The following PDGFC variants were observed in gnomAD, a reference collection of about 807,000 sequenced individuals.
PDGFC encodes the protein platelet-derived growth factor C.
PDGFC carries 12 observed loss-of-function variants against 35.5 expected under a neutral mutation model. The ratio of observed to expected loss-of-function variants is 0.34; its 90% CI spans 0.22 to 0.55. The LOEUF (loss-of-function observed/expected upper bound fraction) is 0.55. Among genes scored for constraint, PDGFC ranks in the 20% least tolerant of loss-of-function variants. The pLI, the probability that PDGFC is intolerant of heterozygous loss-of-function variation, is 0.91. For synonymous variants in PDGFC, 159 were observed against 148.8 expected (o/e 1.07, Z -0.50); for missense variants, 322 against 412.4 (o/e 0.78, Z 1.90).
At chr4:156,872,425 A>G (rs1245766308) in intron 1 of PDGFC, among the ~76,000 whole-genome samples, 2 of 152,302 alleles carry the variant, frequency 1.3e-5, no homozygotes, top group Admixed American at 6.5e-5. Context: ...ATGCACTCCA[A>G]TTGGAACACA....
chr4:156,854,188 A>G (rs1425679245), intron 1 of PDGFC, among the ~76,000 whole-genome samples: 2 of 152,042 alleles, frequency 1.3e-5, no homozygotes, highest in African/African-American at 2.4e-5. Flanking sequence ...TTCCCATCAG[A>G]TTTATTAAAA....
chr4:156,874,182 T>C (rs1006079176), intron 1 of PDGFC, among the ~76,000 whole-genome samples: 1 of 152,214 alleles, frequency 6.6e-6, no homozygotes, highest in Non-Finnish European at 1.5e-5. Context: ...CATTAACTTA[T>C]GGGATGTTCA....
intron 1 of PDGFC, among the ~76,000 whole-genome samples, chr4:156,896,408 A>G (rs1212702882): frequency 6.6e-6 from 1 of 152,086 alleles, no homozygotes; most frequent in African/African-American, 2.4e-5. Flanking sequence ...ACAGCTGAAA[A>G]ACCTAGGAAT....
intron 2 of PDGFC, among the ~76,000 whole-genome samples, chr4:156,816,681 G>C (rs535613130): frequency 6.6e-6 from 1 of 152,226 alleles, no homozygotes; most frequent in South Asian, 2.1e-4. Context: ...GCAAAGCGAA[G>C]GCTTCATTCT....
intron 1 of PDGFC, among the ~76,000 whole-genome samples, chr4:156,879,708 C>T (rs1421647552): frequency 1.3e-5 from 2 of 152,150 alleles, no homozygotes; most frequent in Non-Finnish European, 2.9e-5. Flanking sequence ...GTTTTCATTT[C>T]AAATGATAAC....
chr4:156,806,984 C>T (rs970583112), intron 3 of PDGFC, among the ~76,000 whole-genome samples: 1 of 151,650 alleles, frequency 6.6e-6, no homozygotes, highest in African/African-American at 2.4e-5. Context: ...TCATTTCTTC[C>T]CAAACAATCT....
intron 1 of PDGFC, among the ~76,000 whole-genome samples, chr4:156,883,295 A>G (rs1730291616): frequency 6.6e-6 from 1 of 152,180 alleles, no homozygotes; most frequent in Non-Finnish European, 1.5e-5. Flanking sequence ...CTCTGTTTAC[A>G]TATGAAACAT....
At chr4:156,921,689 C>T (rs1384465466) in intron 1 of PDGFC, among the ~76,000 whole-genome samples, 1 of 152,068 alleles carries the variant, frequency 6.6e-6, no homozygotes, top group East Asian at 1.9e-4. Context: ...AAATCATGGT[C>T]TATTAGAACT....
At chr4:156,787,444 T>C (rs1731158999) in intron 3 of PDGFC, among the ~76,000 whole-genome samples, 1 of 152,034 alleles carries the variant, frequency 6.6e-6, no homozygotes, top group African/African-American at 2.4e-5. Context: ...GCAAAAAATA[T>C]GATGAGCATG....
intron 1 of PDGFC, among the ~76,000 whole-genome samples, chr4:156,948,023 G>A (rs1037730839): frequency 1.3e-5 from 2 of 151,860 alleles, no homozygotes; most frequent in Admixed American, 1.3e-4. Flanking sequence ...TGTGGATGGT[G>A]TGCCATAGAA....
intron 2 of PDGFC, among the ~76,000 whole-genome samples, chr4:156,837,075 C>G (rs546848254): frequency 6.6e-6 from 1 of 152,006 alleles, no homozygotes; most frequent in South Asian, 2.1e-4. Context: ...TATTTGAAAG[C>G]TCATATAGGA....
At chr4:156,770,875 G>C (rs188606361) in intron 4 of PDGFC, among the ~76,000 whole-genome samples, 3 of 152,128 alleles carry the variant, frequency 2.0e-5, no homozygotes, top group Non-Finnish European at 4.4e-5. Flanking sequence ...GATGAATGTG[G>C]TAACACTGTG....
intron 1 of PDGFC, among the ~76,000 whole-genome samples, chr4:156,865,186 G>GCACACACA (rs34323245): frequency 0.042 from 6,230 of 146,686 alleles, 341 homozygotes; most frequent in African/African-American, 0.12. Context: ...AGATACATGT[G>GCACACACA]CACACACACA....
chr4:156,948,203 G>A (rs1233621064), intron 1 of PDGFC, among the ~76,000 whole-genome samples: 3 of 150,182 alleles, frequency 2.0e-5, no homozygotes, highest in South Asian at 4.2e-4. Context: ...GGCTCAAGAG[G>A]GGATGTACAG....
chr4:156,818,252 C>T (rs1014071148), intron 2 of PDGFC, among the ~76,000 whole-genome samples: 3 of 151,608 alleles, frequency 2.0e-5, no homozygotes, highest in Non-Finnish European at 2.9e-5. Context: ...ACAGATACCG[C>T]GTTTTTTACA....
chr4:156,841,581 A>G (rs2111056432), intron 2 of PDGFC, among the ~76,000 whole-genome samples: 1 of 149,728 alleles, frequency 6.7e-6, no homozygotes, highest in Non-Finnish European at 1.5e-5. Flanking sequence ...ATCTTGGCTC[A>G]CTGCAACCTC....
chr4:156,862,269 A>C (rs1305409115), intron 1 of PDGFC, among the ~76,000 whole-genome samples: 1 of 152,204 alleles, frequency 6.6e-6, no homozygotes, highest in African/African-American at 2.4e-5. Flanking sequence ...TTGCACACTT[A>C]AGATCAAATT....
At chr4:156,769,196 G>GA (rs1322099993) in intron 4 of PDGFC, among the ~76,000 whole-genome samples, 4 of 150,748 alleles carry the variant, frequency 2.7e-5, no homozygotes, top group East Asian at 1.9e-4. Context: ...AGACATGAAT[G>GA]AAAAAAAAGA....
chr4:156,928,647 G>C (rs375034827), intron 1 of PDGFC, among the ~76,000 whole-genome samples: 12 of 152,260 alleles, frequency 7.9e-5, no homozygotes, highest in African/African-American at 2.4e-4. Context: ...CTCTATACTT[G>C]TCTCCAGAAA....
Sources: allele counts gnomAD v4.1 joint callset (sites outside exome capture counted in the v4.1 genomes callset), GRCh38; gene constraint gnomAD v4.1.1; transcripts MANE v1.5; gene names NCBI Gene and HGNC (gene_info 2026-07-23, HGNC 2026-07-21).